KIF1B: variants seen among roughly 807,000 people sequenced by gnomAD.
KIF1B encodes kinesin-like protein KIF1B.
In KIF1B, 76 loss-of-function variants were observed where a neutral mutation model predicts 241.9. The observed-to-expected ratio is 0.31, with a 90% CI of 0.26 to 0.38. The LOEUF (loss-of-function observed/expected upper bound fraction) is 0.38. Among genes scored for constraint, KIF1B ranks in the 10% least tolerant of loss-of-function variants. The pLI is 1.00. For synonymous variants in KIF1B, 750 were observed against 796.7 expected (o/e 0.94, Z 0.99); for missense variants, 1,622 against 2,271.4 (o/e 0.71, Z 5.81).
chr1:10,269,741 C>A (rs1052248535), intron 7 of KIF1B, among the ~76,000 whole-genome samples: 15 of 152,148 alleles, frequency 9.9e-5, no homozygotes, highest in African/African-American at 3.4e-4. Context: ...TCGCTTGAAC[C>A]TGGGAGGCAG....
In KIF1B at chr1:10,347,978, C is replaced by G. The variant is rs1304751477; in HGVS notation, c.3864+151C>G. ...TTGTCATTTTTTTTTTTTTCTGTGT[C>G]TGTCTGTAGATATTTCTTCCTCAGA... On this transcript the variant is annotated intron_variant, in intron 36 of 48. Transcript: ENST00000676179. 3 of 656,276 alleles carry G rather than the reference C, an allele frequency of 4.6e-6. No homozygotes were observed. The South Asian group carries it at 5.1e-5, about 11-fold the overall frequency. The allele number at this position is 656,276 out of a possible 1,614,324, so 40.7% of individuals were successfully genotyped here. A position where few individuals can be genotyped will look rare whatever the true frequency, so the allele number is the denominator to read the frequency against.
At position 10,222,597 on chromosome 1, in the gene KIF1B, C is replaced by T. The variant is rs950140500; in HGVS notation, c.-79-9653C>T. 7.9e-5 allele frequency among the ~76,000 whole-genome samples: 12 copies of T among 152,182 alleles called. 1 individual carries two copies. Among genetic ancestry groups the T allele is most frequent in the Non-Finnish European group, 4.4e-5 (3 of 68,032 alleles). On this transcript the variant is annotated intron_variant, in intron 1 of 48. Coordinates refer to ENST00000676179, the MANE Select transcript of KIF1B (RefSeq NM_001365951.3). The stretch of plus-strand genomic sequence containing the variant: ...ACTTTACTGAAAGATCAATTTGAGT[C>T]TTCTCCTTAGATTCCTTATAATCCG...
At chr1:10,334,721 T>A in intron 28 of KIF1B, 83 bp downstream of exon 28, 3 of 1,014,122 alleles carry the variant, frequency 3.0e-6, no homozygotes, top group Non-Finnish European at 3.1e-6. Context: ...GTCACGCTTA[T>A]ATTACACATA....
chr1:10,241,642 C>T (rs1238703334), intron 2 of KIF1B, among the ~76,000 whole-genome samples: 1 of 152,094 alleles, frequency 6.6e-6, no homozygotes, highest in Admixed American at 6.5e-5. Flanking sequence ...TTGTGCTTTG[C>T]ATGTTGTTGT....
At chr1:10,372,709 A>G (rs529460737) in intron 45 of KIF1B, among the ~76,000 whole-genome samples, 4 of 137,466 alleles carry the variant, frequency 2.9e-5, no homozygotes, top group South Asian at 2.6e-4. Flanking sequence ...GGCTCACTGC[A>G]AGCTCCGCCT....
chr1:10,274,110 G>T (rs556154744), intron 10 of KIF1B, among the ~76,000 whole-genome samples: 13 of 151,768 alleles, frequency 8.6e-5, no homozygotes, highest in Non-Finnish European at 1.8e-4. Context: ...CTAATTTTTT[G>T]TATTTTTAGT....
At chr1:10,366,724 C>A (rs539537772) in intron 43 of KIF1B, among the ~76,000 whole-genome samples, 47 of 152,146 alleles carry the variant, frequency 3.1e-4, no homozygotes, top group African/African-American at 1.1e-3. Context: ...TGTAATCCCA[C>A]CACTTTGAGA....
In KIF1B at chr1:10,361,948, C is replaced by CT. The variant is rs1301343526; in HGVS notation, c.4304+124dup. 3.6e-6 allele frequency: 4 copies of CT among 1,120,214 alleles called. No homozygotes were observed. The African/African-American group carries it at 6.1e-5, about 17-fold the overall frequency. The allele number at this position is 1,120,214 out of a possible 1,614,324, so 69.4% of individuals were successfully genotyped here. A position where few individuals can be genotyped will look rare whatever the true frequency, so the allele number is the denominator to read the frequency against. On this transcript the variant is annotated intron_variant, in intron 40 of 48. Coordinates refer to ENST00000676179, the MANE Select transcript of KIF1B (RefSeq NM_001365951.3). ...TACAGTTTATGAACCATTTTGGTAA[C>CT]TGACACCTGGAATGTACTGACTTGC... is the stretch of plus-strand genomic sequence containing the variant.
intron 22 of KIF1B, chr1:10,306,757 TAAAAAA>T (rs745772393): frequency 2.4e-4 from 138 of 566,784 alleles, no homozygotes; most frequent in African/African-American, 9.0e-4. Context: ...AACCTGTCTT[TAAAAAA>T]AAAAAAAAAA....
At chr1:10,244,477 G>A (rs1269111157) in intron 2 of KIF1B, among the ~76,000 whole-genome samples, 1 of 151,576 alleles carries the variant, frequency 6.6e-6, no homozygotes, top group Non-Finnish European at 1.5e-5. Context: ...ACTACGCCCG[G>A]CTAATTTTTG....
intron 2 of KIF1B, among the ~76,000 whole-genome samples, chr1:10,252,924 C>T (rs780975822): frequency 6.6e-6 from 1 of 152,004 alleles, no homozygotes; most frequent in Non-Finnish European, 1.5e-5. Flanking sequence ...GGGGTTTCAC[C>T]ATGTTGGACA....
intron 5 of KIF1B, among the ~76,000 whole-genome samples, chr1:10,264,977 C>CT (rs905451885): frequency 1.4e-4 from 21 of 150,516 alleles, no homozygotes; most frequent in African/African-American, 3.2e-4. Flanking sequence ...TCTTTTTCTT[C>CT]TTTTTTTTTA....
rs34431527 is a variant in KIF1B at position 10,299,070 on chromosome 1, T to TAA, written c.2115+1838_2115+1839dup. On this transcript the variant is annotated intron_variant, in intron 22 of 48. Transcript: ENST00000676179. The stretch of plus-strand genomic sequence containing the variant: ...GCAAATTCGTGAAGCGTTCCATATT[T>TAA]AAAAAAAAAAAAAAAGAAACAAAAA... 3.2e-3 allele frequency: 413 copies of TAA among 128,720 alleles called. 1 individual carries two copies. Among genetic ancestry groups the TAA allele is most frequent in the African/African-American group, 7.5e-3 (265 of 35,132 alleles). The allele number at this position is 128,720 out of a possible 1,614,324, so 8.0% of individuals were successfully genotyped here.
rs539773446 is a variant in KIF1B at position 10,303,033 on chromosome 1, T to G, written c.2115+5787T>G. The G allele has an allele frequency of 6.2e-4, 691 of 1,110,616 alleles. 12 individuals carry two copies. In the South Asian group the frequency reaches 0.011, roughly 18 times the overall value. The allele number at this position is 1,110,616 out of a possible 1,614,324, so 68.8% of individuals were successfully genotyped here. A position where few individuals can be genotyped will look rare whatever the true frequency, so the allele number is the denominator to read the frequency against. ...TTTTTTTTGGTTTTGTTTTGTTTTT[T>G]AGTTTTTTTGGTCTTATTTTTAAAT... On this transcript the variant is annotated intron_variant, in intron 22 of 48. Transcript: ENST00000676179. This position sits in a 1 kb window ranked among gnomAD's most constrained non-coding sequence, Gnocchi z 5.2.
chr1:10,241,917 C>T (rs901114568), intron 2 of KIF1B, among the ~76,000 whole-genome samples: 4 of 151,962 alleles, frequency 2.6e-5, no homozygotes, highest in Non-Finnish European at 4.4e-5. Context: ...TTCACAAGAC[C>T]GTGAAAGGGA....
chr1:10,334,995 A>G (rs919438847), intron 28 of KIF1B, among the ~76,000 whole-genome samples: 2 of 151,072 alleles, frequency 1.3e-5, no homozygotes, highest in East Asian at 3.9e-4. Flanking sequence ...CTGGAGTGCA[A>G]TGGTGCAATC....
intron 7 of KIF1B, among the ~76,000 whole-genome samples, chr1:10,270,778 T>G (rs1264656559): frequency 6.6e-6 from 1 of 151,586 alleles, no homozygotes; most frequent in Non-Finnish European, 1.5e-5. Context: ...CAAAAAAAAT[T>G]AGCTGGGCGT....
At chr1:10,276,512 C>A in intron 12 of KIF1B, 113 bp downstream of exon 12, 1 of 751,446 alleles carries the variant, frequency 1.3e-6, no homozygotes, top group Non-Finnish European at 2.4e-6. Flanking sequence ...AAATAATGTT[C>A]CTTTCCTCTC....
Position 10,321,696 on chromosome 1 carries a change from T to A in KIF1B, c.2210-13T>A. 6.2e-7 allele frequency: 1 copy of A among 1,613,740 alleles called. No individual in the cohort carries two copies. The highest frequency in any genetic ancestry group is 8.5e-7 in the Non-Finnish European group (1 of 1,179,586). On this transcript the variant is annotated splice_polypyrimidine_tract_variant and intron_variant, in intron 23 of 48. Transcript: ENST00000676179. ...TAAGATTGCCATTAAATATGCATCA[T>A]TCATTCTTTCAGTTCCTTGGACACA...
Sources: gnomAD v4.1 joint callset for allele counts (sites outside exome capture counted in the v4.1 genomes callset) on GRCh38, gnomAD v4.1.1 for gene constraint, Gnocchi (gnomAD v3.1) non-coding constraint, MANE v1.5 for transcripts, NCBI Gene and HGNC (gene_info 2026-07-23, HGNC 2026-07-21) for gene names.